The following DOCK4 variants were observed in gnomAD, a reference collection of about 807,000 sequenced individuals.
DOCK4 encodes the protein dedicator of cytokinesis 4.
In DOCK4, 97 loss-of-function variants were observed where a neutral mutation model predicts 268.1. That is an observed-to-expected ratio of 0.36 (90% CI 0.31 to 0.43). The LOEUF (loss-of-function observed/expected upper bound fraction) is 0.43. Ranked by LOEUF, DOCK4 falls within the 20% of genes least tolerant of loss-of-function variation. DOCK4 has a pLI of 1.00. For missense variants in DOCK4, 2,145 were observed against 2,455.7 expected (o/e 0.87, Z 2.67); for synonymous variants, 954 against 887.2 (o/e 1.08, Z -1.34).
chr7:111,863,316 A>G (rs1364850845), intron 23 of DOCK4, 56 bp downstream of exon 23: 1 of 1,602,132 alleles, frequency 6.2e-7, no homozygotes, highest in East Asian at 2.2e-5. Context: ...CAATGGCTAC[A>G]AAATATACAA....
intron 1 of DOCK4, among the ~76,000 whole-genome samples, chr7:112,067,693 GACTTCT>G (rs1807204731): frequency 6.6e-6 from 1 of 152,314 alleles, no homozygotes; most frequent in South Asian, 2.1e-4. Context: ...TTACGGCTTT[GACTTCT>G]TTCCAGTCAG....
At chr7:111,751,747 A>AAAAT (rs1256372167) in intron 42 of DOCK4, among the ~76,000 whole-genome samples, 1 of 151,498 alleles carries the variant, frequency 6.6e-6, no homozygotes, top group Non-Finnish European at 1.5e-5. Flanking sequence ...GCCTGGCCTA[A>AAAAT]AAATATATAA....
At chr7:111,807,289 A>G (rs1444093117) in intron 30 of DOCK4, among the ~76,000 whole-genome samples, 1 of 152,170 alleles carries the variant, frequency 6.6e-6, no homozygotes, top group Non-Finnish European at 1.5e-5. Flanking sequence ...TATGGACACT[A>G]CAAGGGCCTT....
At chr7:111,804,819 C>A (rs1800556571) in intron 30 of DOCK4, among the ~76,000 whole-genome samples, 1 of 152,056 alleles carries the variant, frequency 6.6e-6, no homozygotes, top group African/African-American at 2.4e-5. Flanking sequence ...AGGCTGGTCT[C>A]GAACTCCTGA....
intron 1 of DOCK4, among the ~76,000 whole-genome samples, chr7:112,006,673 T>A (rs1479161108): frequency 6.6e-6 from 1 of 152,186 alleles, no homozygotes; most frequent in African/African-American, 2.4e-5. Context: ...AGTCGCAAAT[T>A]CTGAGTCTGC....
intron 1 of DOCK4, among the ~76,000 whole-genome samples, chr7:112,019,990 A>G (rs755937921): frequency 1.3e-5 from 2 of 152,174 alleles, no homozygotes; most frequent in Non-Finnish European, 2.9e-5. Context: ...CCAATTTACA[A>G]TTGGAGCTGC....
intron 36 of DOCK4, among the ~76,000 whole-genome samples, chr7:111,771,336 T>C (rs912836000): frequency 1.3e-5 from 2 of 152,192 alleles, no homozygotes; most frequent in Non-Finnish European, 1.5e-5. Flanking sequence ...TTATCCACTT[T>C]CCAGGAATGA....
intron 16 of DOCK4, among the ~76,000 whole-genome samples, chr7:111,891,965 T>TA (rs1808321424): frequency 6.6e-6 from 1 of 152,176 alleles, no homozygotes; most frequent in South Asian, 2.1e-4. Flanking sequence ...GGGTTACCTA[T>TA]GGGGTTATAA....
intron 49 of DOCK4, among the ~76,000 whole-genome samples, chr7:111,738,913 G>A (rs1345536959): frequency 1.3e-5 from 2 of 152,024 alleles, no homozygotes; most frequent in African/African-American, 4.8e-5. Flanking sequence ...ACTCTAGCCT[G>A]GGTGACAGCG....
chr7:111,881,290 G>T (rs573122983), intron 16 of DOCK4, among the ~76,000 whole-genome samples: 1 of 152,268 alleles, frequency 6.6e-6, no homozygotes, highest in South Asian at 2.1e-4. Context: ...CTCAAAAGGA[G>T]ATACACACAT....
chr7:112,154,730 C>T (rs1816452687), intron 1 of DOCK4, among the ~76,000 whole-genome samples: 1 of 152,150 alleles, frequency 6.6e-6, no homozygotes, highest in Admixed American at 6.6e-5. Flanking sequence ...CTTCATGCAG[C>T]CCATGGCATC....
chr7:111,987,686 C>T (rs1237025663), intron 6 of DOCK4, among the ~76,000 whole-genome samples: 1 of 152,148 alleles, frequency 6.6e-6, no homozygotes, highest in Non-Finnish European at 1.5e-5. Flanking sequence ...TGAAAGCGCC[C>T]TTGTGCTTTT....
At chr7:111,925,882 T>C (rs1793574961) in intron 12 of DOCK4, among the ~76,000 whole-genome samples, 1 of 151,820 alleles carries the variant, frequency 6.6e-6, no homozygotes, top group Non-Finnish European at 1.5e-5. Flanking sequence ...GGTCAGGAGA[T>C]CGAGACTATC....
Position 112,119,037 on chromosome 7 carries a change from G to A in DOCK4, c.37+87065C>T, listed in dbSNP as rs933608945. Among the ~76,000 whole-genome samples the A allele has an allele frequency of 4.1e-4, 63 of 152,194 alleles. 1 individual carries two copies. The highest frequency in any genetic ancestry group is 1.5e-3 in the African/African-American group (61 of 41,432). On this transcript the variant is annotated intron_variant, in intron 1 of 52. Transcript: ENST00000428084. Reference sequence around the variant, plus strand: ...TGGGGCAGGGATGGGACCAGAGCTAGTCACTTTGGCTCGCTGTTTCCAATC... The same window carrying A: ...TGGGGCAGGGATGGGACCAGAGCTAATCACTTTGGCTCGCTGTTTCCAATC...
At chr7:112,137,110 T>C (rs929705320) in intron 1 of DOCK4, among the ~76,000 whole-genome samples, 1 of 152,212 alleles carries the variant, frequency 6.6e-6, no homozygotes, top group Non-Finnish European at 1.5e-5. Flanking sequence ...TATTGAGTCA[T>C]ACATATTGCT....
At chr7:112,189,878 G>T (rs2729540) in intron 1 of DOCK4, among the ~76,000 whole-genome samples, 14 of 150,022 alleles carry the variant, frequency 9.3e-5, no homozygotes, top group African/African-American at 3.2e-4. Flanking sequence ...CACCACACCC[G>T]GCTTTCTGGG....
intron 1 of DOCK4, among the ~76,000 whole-genome samples, chr7:112,094,981 G>A (rs775500227): frequency 2.6e-5 from 4 of 152,190 alleles, no homozygotes; most frequent in Non-Finnish European, 5.9e-5. Flanking sequence ...GCAGAATCAT[G>A]AGCTGATTAA....
intron 30 of DOCK4, among the ~76,000 whole-genome samples, chr7:111,803,919 T>C (rs540309720): frequency 3.7e-4 from 56 of 152,304 alleles, no homozygotes; most frequent in African/African-American, 1.3e-3. Flanking sequence ...CCCATTAGGA[T>C]GACTACTGTC....
chr7:112,145,163 A>G lies in DOCK4; in HGVS notation c.37+60939T>C, dbSNP rs567056031. Among the ~76,000 whole-genome samples, 7 of 152,298 alleles carry G rather than the reference A, an allele frequency of 4.6e-5. No homozygotes were observed. The South Asian group carries it at 1.4e-3, about 32-fold the overall frequency. On this transcript the variant is annotated intron_variant, in intron 1 of 52. Coordinates refer to ENST00000428084, the MANE Select transcript of DOCK4 (RefSeq NM_001363540.2). ...GCAGGTGCTAGAGAGGTTAGCAAGC[A>G]TCAGGCAAGCACCACAGAAAGAAAA... is the stretch of plus-strand genomic sequence containing the variant.
Sources: allele counts gnomAD v4.1 joint callset (sites outside exome capture counted in the v4.1 genomes callset), GRCh38; gene constraint gnomAD v4.1.1; transcripts MANE v1.5; gene names NCBI Gene and HGNC (gene_info 2026-07-23, HGNC 2026-07-21).